SVEP1: variants seen among roughly 807,000 people sequenced by gnomAD.
The protein encoded by SVEP1 is sushi, von Willebrand factor type A, EGF and pentraxin domain-containing protein 1.
Under a neutral mutation model 367.3 loss-of-function variants are expected in SVEP1, and 164 were observed. That is an observed-to-expected ratio of 0.45 (90% CI 0.39 to 0.51). SVEP1 has a LOEUF of 0.51. Ranked by LOEUF, SVEP1 falls within the 20% of genes least tolerant of loss-of-function variation. The pLI, the probability that SVEP1 is intolerant of heterozygous loss-of-function variation, is 0.00. For synonymous variants in SVEP1, 1,666 were observed against 1,611.6 expected (o/e 1.03, Z -0.81); for missense variants, 4,117 against 4,425.3 (o/e 0.93, Z 1.98).
At chr9:110,451,213 A>G in intron 23 of SVEP1, 76 bp downstream of exon 23, 1 of 1,153,638 alleles carries the variant, frequency 8.7e-7, no homozygotes, top group Non-Finnish European at 1.3e-6. Context: ...ACATTAATAT[A>G]TATGTTAAGA....
intron 39 of SVEP1, among the ~76,000 whole-genome samples, chr9:110,402,230 T>C (rs1827874850): frequency 6.6e-6 from 1 of 152,186 alleles, no homozygotes; most frequent in African/African-American, 2.4e-5. Context: ...TTCTGACTCA[T>C]TACTTCTGTT....
chr9:110,409,380 C>T (rs910113285), intron 37 of SVEP1, among the ~76,000 whole-genome samples: 21 of 152,150 alleles, frequency 1.4e-4, no homozygotes, highest in African/African-American at 4.8e-4. Context: ...TGAGATTGTG[C>T]CACTGCACTC....
At chr9:110,418,848 T>C (rs1049568911) in intron 36 of SVEP1, among the ~76,000 whole-genome samples, 7 of 124,288 alleles carry the variant, frequency 5.6e-5, no homozygotes, top group African/African-American at 2.0e-4. Flanking sequence ...AACCCAGAAT[T>C]TCGTATCAGC....
At chr9:110,440,244 T>C (rs575378028) in intron 27 of SVEP1, among the ~76,000 whole-genome samples, 5 of 152,276 alleles carry the variant, frequency 3.3e-5, no homozygotes, top group African/African-American at 4.8e-5. Flanking sequence ...CTTTATCACG[T>C]CTTCCTTTTC....
intron 40 of SVEP1, among the ~76,000 whole-genome samples, chr9:110,396,714 C>G (rs1407891931): frequency 1.3e-5 from 2 of 151,402 alleles, no homozygotes; most frequent in East Asian, 1.9e-4. Context: ...ACTATAAACA[C>G]CTCTAGGCAA....
intron 47 of SVEP1, 109 bp from the exon 48 acceptor site, chr9:110,366,669 C>T: frequency 9.1e-7 from 1 of 1,098,982 alleles, no homozygotes; most frequent in Non-Finnish European, 1.3e-6. Flanking sequence ...TCCCAGATAC[C>T]TGGGCATTAT....
Position 110,430,568 on chromosome 9 carries a change from C to T in SVEP1, c.5354-118G>A, listed in dbSNP as rs903502089. ...CTGTTAAAATCGCAAGAGAAAACCT[C>T]GTGAAGGGAAATGCATGAGGGCCCA... On this transcript the variant is annotated intron_variant, in intron 32 of 47. Coordinates refer to ENST00000374469, the MANE Select transcript of SVEP1 (RefSeq NM_153366.4). 1.4e-5 allele frequency: 15 copies of T among 1,074,644 alleles called. No homozygotes were observed. The African/African-American group carries it at 2.1e-4, about 15-fold the overall frequency. The allele number at this position is 1,074,644 out of a possible 1,614,324, so 66.6% of individuals were successfully genotyped here. A position where few individuals can be genotyped will look rare whatever the true frequency, so the allele number is the denominator to read the frequency against.
intron 47 of SVEP1, among the ~76,000 whole-genome samples, chr9:110,368,729 C>G (rs1827235035): frequency 6.6e-6 from 1 of 152,012 alleles, no homozygotes; most frequent in Non-Finnish European, 1.5e-5. Flanking sequence ...AAATTCAGCT[C>G]TGCTCTCAGG....
At chr9:110,481,107 T>G in intron 12 of SVEP1, 135 bp downstream of exon 12, 1 of 601,766 alleles carries the variant, frequency 1.7e-6, no homozygotes, top group Non-Finnish European at 2.6e-6. Context: ...AGTAATTCTC[T>G]TATTCACAAA....
At chr9:110,410,956 G>T in intron 37 of SVEP1, 107 bp downstream of exon 37, 2 of 939,454 alleles carry the variant, frequency 2.1e-6, no homozygotes, top group African/African-American at 1.7e-5. Context: ...CAGTTTCCAT[G>T]CCTTAGTGAA....
chr9:110,548,050 T>C (rs946402396), intron 2 of SVEP1, among the ~76,000 whole-genome samples: 1 of 152,158 alleles, frequency 6.6e-6, no homozygotes, highest in Non-Finnish European at 1.5e-5. Flanking sequence ...GAGCTGAAAT[T>C]TGTTGATAGC....
At chr9:110,375,147 A>G (rs968425014) in intron 46 of SVEP1, among the ~76,000 whole-genome samples, 2 of 152,156 alleles carry the variant, frequency 1.3e-5, no homozygotes. Flanking sequence ...AATTGAGTAG[A>G]CTTAGATGCT....
At chr9:110,463,846 A>G (rs1828897444) in intron 18 of SVEP1, among the ~76,000 whole-genome samples, 1 of 152,156 alleles carries the variant, frequency 6.6e-6, no homozygotes, top group Non-Finnish European at 1.5e-5. Context: ...ATGTTTATCC[A>G]GCACCGCAGA....
rs774156497 is a variant in SVEP1 at position 110,466,005 on chromosome 9, T to C, written c.3182A>G (p.Tyr1061Cys). The C allele has an allele frequency of 1.9e-6, 3 of 1,613,422 alleles. No individual in the cohort carries two copies. Among genetic ancestry groups the C allele is most frequent in the South Asian group, 2.2e-5 (2 of 90,940 alleles). Residue 1061 changes from tyrosine to cysteine, a missense_variant, in exon 18 of 48, where the codon TAC (tyrosine) becomes TGC (cysteine). Transcript: ENST00000374469. ...DCKAQCKQGT[Y>C]SYSGLETCES... is the part of the protein sequence containing the mutation. ...ACAAGTCTCAAGTCCACTGTATGAG[T>C]AGGTGCCTTGTTTACACTGAGCTGA... is the stretch of plus-strand genomic sequence containing the variant.
Position 110,483,628 on chromosome 9 carries a change from G to C in SVEP1, c.1996C>G (p.His666Asp). ...TGAGGCTCATCCCAGCTTGCGGCAT[G>C]TACCTTCTCCGAGACCTGGACGGGA... Reference protein sequence around the residue: ...PPPVQVSEKVHAASWDEPQFS... With the variant: ...PPPVQVSEKVDAASWDEPQFS... The change falls in exon 10 of 48, where the codon CAT becomes GAT. Residue 666 changes from histidine (H) to aspartate (D), a missense_variant. Around this residue, in one of 4 missense-constraint regions of SVEP1, gnomAD observed 2,174 missense variants for 2,494.3 expected, o/e 0.87. Coordinates refer to ENST00000374469, the MANE Select transcript of SVEP1 (RefSeq NM_153366.4). 1.2e-6 allele frequency: 2 copies of C among 1,612,572 alleles called. No individual in the cohort carries two copies. The highest frequency in any genetic ancestry group is 1.7e-6 in the Non-Finnish European group (2 of 1,179,214).
intron 46 of SVEP1, among the ~76,000 whole-genome samples, chr9:110,370,622 CA>C (rs1270369873): frequency 2.0e-5 from 3 of 152,178 alleles, no homozygotes; most frequent in Non-Finnish European, 1.5e-5. Context: ...TGGTTAGTCA[CA>C]GATAAAACCC....
At chr9:110,390,154 C>CAAGTAT (rs1827616759) in intron 40 of SVEP1, among the ~76,000 whole-genome samples, 7 of 77,836 alleles carry the variant, frequency 9.0e-5, no homozygotes, top group Admixed American at 1.4e-4. Context: ...CAAGTATATA[C>CAAGTAT]ATACATACTT....
At chr9:110,368,363 C>G (rs375160769) in intron 47 of SVEP1, among the ~76,000 whole-genome samples, 11 of 152,314 alleles carry the variant, frequency 7.2e-5, no homozygotes, top group Admixed American at 3.3e-4. Context: ...AGGAACCTGT[C>G]TGGTCCTCTG....
chr9:110,549,508 G>C (rs534606157), intron 2 of SVEP1, among the ~76,000 whole-genome samples: 5 of 152,110 alleles, frequency 3.3e-5, no homozygotes, highest in African/African-American at 4.8e-5. Flanking sequence ...CCTCTGTCCA[G>C]ATAACTGTAA....
Sources: gnomAD v4.1 joint callset for allele counts (sites outside exome capture counted in the v4.1 genomes callset) on GRCh38, gnomAD v4.1.1 for gene constraint, gnomAD v4.1.1 regional missense constraint, MANE v1.5 for transcripts, NCBI Gene and HGNC (gene_info 2026-07-23, HGNC 2026-07-21) for gene names.